Variants in GFM1 observed in about 807,000 individuals in gnomAD.
GFM1 encodes elongation factor G, mitochondrial.
GFM1 carries 62 observed loss-of-function variants against 96.2 expected under a neutral mutation model. The observed-to-expected ratio is 0.64, with a 90% CI of 0.53 to 0.80. The LOEUF (loss-of-function observed/expected upper bound fraction) is 0.80, where lower values mean the gene tolerates loss of function less well. Among genes scored for constraint, GFM1 ranks in the 30% least tolerant of loss-of-function variants. The pLI, the probability that GFM1 is intolerant of heterozygous loss-of-function variation, is 0.00. For missense variants in GFM1, 852 were observed against 916.6 expected (o/e 0.93, Z 0.91); for synonymous variants, 282 against 312.9 (o/e 0.90, Z 1.04).
intron 9 of GFM1, 154 bp downstream of exon 9, chr3:158,659,213 C>G: frequency 1.2e-6 from 1 of 844,632 alleles, no homozygotes; most frequent in African/African-American, 1.7e-5. Context: ...TGATCTAGCA[C>G]TTTGCTATAG....
At chr3:158,670,885 G>A (rs1021679701) in intron 13 of GFM1, 1 of 1,377,606 alleles carries the variant, frequency 7.3e-7, no homozygotes, top group Admixed American at 3.3e-5. Flanking sequence ...AGTGAGCCAT[G>A]TTCTGCCACT....
chr3:158,654,506 A>G, intron 7 of GFM1, 41 bp from the exon 8 acceptor site: 1 of 1,176,830 alleles, frequency 8.5e-7, no homozygotes, highest in Non-Finnish European at 1.3e-6. Flanking sequence ...AAGAAATATC[A>G]TATATTACAT....
At chr3:158,672,624 C>T in intron 13 of GFM1, 1 of 931,608 alleles carries the variant, frequency 1.1e-6, no homozygotes, top group Non-Finnish European at 1.6e-6. Flanking sequence ...TCCTCAGCTC[C>T]TTCCGACTCC....
chr3:158,669,204 A>G, intron 13 of GFM1: 1 of 1,443,264 alleles, frequency 6.9e-7, no homozygotes, highest in Non-Finnish European at 9.4e-7. Context: ...CTAAATTCTA[A>G]ATCATGTCTT....
intron 15 of GFM1, among the ~76,000 whole-genome samples, chr3:158,689,397 A>C (rs62288344): frequency 0.18 from 26,893 of 152,070 alleles, 2,453 homozygotes; most frequent in Non-Finnish European, 0.22. Flanking sequence ...TCTCATTCTC[A>C]ATCAGGTGAT....
chr3:158,659,155 G>A, intron 9 of GFM1, 96 bp downstream of exon 9: 1 of 1,346,488 alleles, frequency 7.4e-7, no homozygotes, highest in Admixed American at 1.8e-5. Flanking sequence ...ATTAATTCTG[G>A]TTAAATATAT....
At chr3:158,674,404 A>G (rs997037975) in intron 13 of GFM1, among the ~76,000 whole-genome samples, 1 of 151,976 alleles carries the variant, frequency 6.6e-6, no homozygotes, top group Non-Finnish European at 1.5e-5. Flanking sequence ...TGACCCACCC[A>G]TGGCAATATT....
At position 158,645,629 on chromosome 3, in the gene GFM1, G is replaced by T; in HGVS notation, c.82G>T (p.Val28Phe). The change falls in exon 2 of 18, where the codon GTT (valine) becomes TTT (phenylalanine). Residue 28 changes from valine (V) to phenylalanine (F), a missense_variant and splice_region_variant. Transcript: ENST00000486715. ...AATTGAGCTCTCGTATTTTTTTCAGGTTAATTGGAAGGCCTGCCGATGGTC... is the reference window on the plus strand; with the variant it reads ...AATTGAGCTCTCGTATTTTTTTCAGTTTAATTGGAAGGCCTGCCGATGGTC... ...PASLGWQRKQ[V>F]NWKACRWSSS... 6.2e-7 allele frequency: 1 copy of T among 1,611,992 alleles called. No individual in the cohort carries two copies. The highest frequency in any genetic ancestry group is 8.5e-7 in the Non-Finnish European group (1 of 1,178,174).
intron 5 of GFM1, chr3:158,650,267 A>G (rs1258398620): frequency 3.5e-6 from 2 of 574,124 alleles, no homozygotes; most frequent in Non-Finnish European, 3.1e-6. Context: ...CTTTTTTCCT[A>G]CTTTATTCAC....
chr3:158,684,426 A>AAAAC (rs1725660451), intron 14 of GFM1, 98 bp from the exon 15 acceptor site: 1 of 1,246,902 alleles, frequency 8.0e-7, no homozygotes, highest in Non-Finnish European at 1.2e-6. Flanking sequence ...AGCACACATA[A>AAAAC]AAACGTACAC....
rs1234517521 is a variant in GFM1, at chr3:158,694,249, A to AT, written c.*2783dup. 6.8e-6 allele frequency among the ~76,000 whole-genome samples: 1 copy of AT among 146,268 alleles called. No individual in the cohort carries two copies. The highest frequency in any genetic ancestry group is 1.5e-5 in the Non-Finnish European group (1 of 64,708). ...ACACATTGTGGAATACTATGCAGCC[A>AT]TAAAAAAAGAATGAGATCAAGTCCT... On this transcript the variant is annotated 3_prime_UTR_variant, in exon 18 of 18. Transcript: ENST00000486715.
At chr3:158,654,072 A>C (rs565526795) in intron 7 of GFM1, among the ~76,000 whole-genome samples, 1 of 150,888 alleles carries the variant, frequency 6.6e-6, no homozygotes, top group South Asian at 2.1e-4. Flanking sequence ...TAAGATTCCA[A>C]AAAAAAAAGA....
rs1726418686 is a variant in GFM1 at position 158,692,935 on chromosome 3, T to C, written c.*1468T>C. On this transcript the variant is annotated 3_prime_UTR_variant, in exon 18 of 18. Transcript: ENST00000486715. The stretch of plus-strand genomic sequence containing the variant: ...CTCAAACTCCTGGGCTCAAGCTCTC[T>C]GCCTGCCCCAGCCTCCCAAAGTGCT... 6.6e-6 allele frequency among the ~76,000 whole-genome samples: 1 copy of C among 152,136 alleles called. No homozygotes were observed. The highest frequency in any genetic ancestry group is 1.5e-5 in the Non-Finnish European group (1 of 68,032).
chr3:158,650,115 T>C, intron 5 of GFM1: 1 of 1,411,638 alleles, frequency 7.1e-7, no homozygotes, highest in Non-Finnish European at 9.7e-7. Context: ...TCATCAGCCA[T>C]CTTGTAAGCA....
chr3:158,649,056 T>G lies in GFM1; in HGVS notation c.588T>G (p.His196Gln). Residue 196 changes from histidine (H) to glutamine (Q), a missense_variant, in exon 5 of 18, where the codon CAT (histidine) becomes CAG (glutamine). His to Gln is a conservative substitution (Grantham distance 24). Transcript: ENST00000486715. ...TATTTTTCAGGTCTAAACTAAATCATAATGCAGCGTTTATGCAGATACCCA... is the reference window on the plus strand; with the variant it reads ...TATTTTTCAGGTCTAAACTAAATCAGAATGCAGCGTTTATGCAGATACCCA... ...ALQQMRSKLN[H>Q]NAAFMQIPMG... is the part of the protein sequence containing the mutation. 6.6e-7 allele frequency: 1 copy of G among 1,507,500 alleles called. No individual in the cohort carries two copies. Among genetic ancestry groups the G allele is most frequent in the Non-Finnish European group, 9.2e-7 (1 of 1,083,402 alleles). 93.4% of individuals were successfully genotyped at this position (1,507,500 alleles called of 1,614,324 possible). A position where few individuals can be genotyped will look rare whatever the true frequency, so the allele number is the denominator to read the frequency against.
intron 11 of GFM1, among the ~76,000 whole-genome samples, chr3:158,664,445 A>C (rs1723452556): frequency 6.6e-6 from 1 of 152,126 alleles, no homozygotes; most frequent in South Asian, 2.1e-4. Context: ...GGGGTTCCCC[A>C]TTTCTTTGAA....
At chr3:158,678,971 C>A (rs1725136961) in intron 13 of GFM1, among the ~76,000 whole-genome samples, 1 of 152,130 alleles carries the variant, frequency 6.6e-6, no homozygotes, top group Admixed American at 6.5e-5. Context: ...GATTTTGAGA[C>A]CAGCCCTGGG....
In GFM1 at chr3:158,652,078, A is replaced by G. The variant is rs898169717; in HGVS notation, c.690-18A>G. The G allele has an allele frequency of 3.1e-6, 5 of 1,612,620 alleles. No individual in the cohort carries two copies. The Admixed American group carries it at 6.7e-5, about 22-fold the overall frequency. ...TAAGTTGAATATCCTTAAAGCACCA[A>G]AATATTTGCTTTCTTAGTCAGATTG... On this transcript the variant is annotated intron_variant, in intron 5 of 17. Coordinates refer to ENST00000486715, the MANE Select transcript of GFM1 (RefSeq NM_024996.7).
intron 8 of GFM1, 62 bp from the exon 9 acceptor site, chr3:158,658,860 C>T: frequency 1.3e-6 from 2 of 1,573,956 alleles, no homozygotes; most frequent in South Asian, 1.1e-5. Context: ...AAGCTTTCCT[C>T]AATACTTTGA....
Sources: allele counts gnomAD v4.1 joint callset (sites outside exome capture counted in the v4.1 genomes callset), GRCh38; gene constraint gnomAD v4.1.1; transcripts MANE v1.5; gene names NCBI Gene and HGNC (gene_info 2026-07-23, HGNC 2026-07-21).